FXN: variants seen among roughly 807,000 people sequenced by gnomAD.
FXN encodes frataxin, mitochondrial.
In FXN, 14 loss-of-function variants were observed where a neutral mutation model predicts 22.4. The ratio of observed to expected loss-of-function variants is 0.62; its 90% CI spans 0.41 to 0.98. The LOEUF (loss-of-function observed/expected upper bound fraction) is 0.98. Among genes scored for constraint, FXN ranks in the 50% least tolerant of loss-of-function variants. The probability of loss-of-function intolerance (pLI) is 0.00; values close to 1 mark genes in which losing one functional copy is unlikely to be tolerated. For synonymous variants in FXN, 120 were observed against 114.1 expected (o/e 1.05, Z -0.33); for missense variants, 267 against 268.4 (o/e 0.99, Z 0.04).
At chr9:69,071,154 C>A (rs1587831419) in intron 4 of FXN, 67 of 518,102 alleles carry the variant, frequency 1.3e-4, no homozygotes, top group Middle Eastern at 3.2e-4. Context: ...CTAGAGGTTA[C>A]TCAGGCTCTG....
chr9:69,058,567 C>T (rs1832005752), intron 3 of FXN, among the ~76,000 whole-genome samples: 1 of 151,468 alleles, frequency 6.6e-6, no homozygotes, highest in Non-Finnish European at 1.5e-5. Flanking sequence ...TGCTCTGGTC[C>T]CTCTCCCAAT....
rs57561255 is a variant in FXN at position 69,078,693 on chromosome 9, G to A, written c.*5931G>A. On this transcript the variant is annotated 3_prime_UTR_variant, in exon 5 of 5. Transcript: ENST00000484259. ...CCTAAGTGTGCTGTGCTATTTTCAC[G>A]TGGCTCTCAGACTTGGCCAGTGCTG... 467,587 of 984,812 alleles carry A rather than the reference G, an allele frequency of 0.47. 112,173 individuals carry two copies. Among genetic ancestry groups the A allele is most frequent in the East Asian group, 0.65 (5,675 of 8,776 alleles). The allele number at this position is 984,812 out of a possible 1,614,324, so 61.0% of individuals were successfully genotyped here.
Position 69,065,023 on chromosome 9 carries a change from C to G in FXN, c.470C>G (p.Ser157Cys). 6.2e-7 allele frequency: 1 copy of G among 1,612,768 alleles called. No individual in the cohort carries two copies. Among genetic ancestry groups the G allele is most frequent in the Non-Finnish European group, 8.5e-7 (1 of 1,178,770 alleles). Reference protein sequence around the residue: ...KQTPNKQIWLSSPSSGPKRYD... With the variant: ...KQTPNKQIWLCSPSSGPKRYD... ...ACGCCAAACAAGCAAATCTGGCTAT[C>G]TTCTCCATCCAGGTATGTAGGTATG... Residue 157 changes from serine (S) to cysteine (C), a missense_variant, in exon 4 of 5, where the codon TCT (serine) becomes TGT (cysteine). By Grantham distance (112) the Ser-to-Cys change is moderately radical. Coordinates refer to ENST00000484259, the MANE Select transcript of FXN (RefSeq NM_000144.5).
At chr9:69,052,794 G>A (rs1476887458) in intron 2 of FXN, among the ~76,000 whole-genome samples, 3 of 151,302 alleles carry the variant, frequency 2.0e-5, no homozygotes, top group Non-Finnish European at 2.9e-5. Flanking sequence ...TGCCTGCCTC[G>A]GCCTCCCAGA....
chr9:69,049,603 C>T (rs1312053889), intron 2 of FXN, among the ~76,000 whole-genome samples: 19 of 152,098 alleles, frequency 1.2e-4, no homozygotes, highest in Admixed American at 1.0e-3. Context: ...CACAGGGGCA[C>T]AAAAGCTCTT....
At chr9:69,048,435 C>G (rs887792454) in intron 2 of FXN, among the ~76,000 whole-genome samples, 11 of 152,168 alleles carry the variant, frequency 7.2e-5, no homozygotes, top group African/African-American at 2.2e-4. Flanking sequence ...GAAACCCTGT[C>G]TCTACTAAAA....
At position 69,078,332 on chromosome 9, in the gene FXN, T is replaced by G. The variant is rs1832408234; in HGVS notation, c.*5570T>G. The G allele has an allele frequency of 2.0e-6, 2 of 985,358 alleles. No individual in the cohort carries two copies. Among genetic ancestry groups the G allele is most frequent in the South Asian group, 9.4e-5 (2 of 21,290 alleles). The allele number at this position is 985,358 out of a possible 1,614,324, so 61.0% of individuals were successfully genotyped here. ...TTGCCAGTCCATCAGCAGTTCCCCT[T>G]GAAAGTTTCACCAAACATCCCTTAA... is the stretch of plus-strand genomic sequence containing the variant. On this transcript the variant is annotated 3_prime_UTR_variant, in exon 5 of 5. Transcript: ENST00000484259.
chr9:69,072,758 C>T lies in FXN; in HGVS notation c.629C>T (p.Ala210Val). The change falls in exon 5 of 5, where the codon GCT (alanine) becomes GTT (valine). Residue 210 changes from alanine (A) to valine (V), a missense_variant. Coordinates refer to ENST00000484259, the MANE Select transcript of FXN (RefSeq NM_000144.5). Reference sequence around the variant, plus strand: ...TCCTTGGCCTATTCCGGAAAAGATGCTTGATGCCCAGCCCCGTTTTAAGGA... The same window carrying T: ...TCCTTGGCCTATTCCGGAAAAGATGTTTGATGCCCAGCCCCGTTTTAAGGA... The part of the protein sequence containing the change: ...LSSLAYSGKD[A>V] 5 of 1,614,200 alleles carry T rather than the reference C, an allele frequency of 3.1e-6. No homozygotes were observed. Among genetic ancestry groups the T allele is most frequent in the Non-Finnish European group, 4.2e-6 (5 of 1,180,034 alleles).
chr9:69,065,581 G>T (rs1171526798), intron 4 of FXN, among the ~76,000 whole-genome samples: 1 of 149,692 alleles, frequency 6.7e-6, no homozygotes, highest in African/African-American at 2.5e-5. Flanking sequence ...TAGCATCCTT[G>T]TAAGTGAGCC....
At chr9:69,056,077 C>G (rs1280157304) in intron 3 of FXN, among the ~76,000 whole-genome samples, 3 of 152,016 alleles carry the variant, frequency 2.0e-5, no homozygotes, top group Non-Finnish European at 4.4e-5. Flanking sequence ...ATGGGTCTCG[C>G]TATGTTTCCC....
chr9:69,052,980 G>T (rs1165629611), intron 2 of FXN, among the ~76,000 whole-genome samples, 160 bp from the exon 3 acceptor site: 1 of 139,724 alleles, frequency 7.2e-6, no homozygotes, highest in African/African-American at 2.7e-5. Flanking sequence ...GACAGAGTGA[G>T]ACTCTGTCTC....
At chr9:69,047,350 G>GACACACACACAC (rs148756619) in intron 2 of FXN, among the ~76,000 whole-genome samples, 20 of 144,174 alleles carry the variant, frequency 1.4e-4, no homozygotes, top group African/African-American at 4.8e-4. Context: ...CACACACACA[G>GACACACACACAC]ACACACACAC....
At chr9:69,044,068 T>G (rs1179026515) in intron 1 of FXN, among the ~76,000 whole-genome samples, 1 of 152,182 alleles carries the variant, frequency 6.6e-6, no homozygotes, top group East Asian at 1.9e-4. Context: ...ATAAGGTGTC[T>G]TTAAACAGAA....
intron 1 of FXN, among the ~76,000 whole-genome samples, chr9:69,039,130 G>T (rs979401839): frequency 9.2e-5 from 14 of 151,990 alleles, no homozygotes; most frequent in African/African-American, 2.9e-4. Context: ...GCACTCACCT[G>T]TAATCCCAGC....
chr9:69,057,129 T>C (rs1291388648), intron 3 of FXN, among the ~76,000 whole-genome samples: 3 of 152,170 alleles, frequency 2.0e-5, no homozygotes, highest in African/African-American at 7.2e-5. Context: ...AAAAAACTAA[T>C]GGCAGTTAGG....
chr9:69,071,816 G>A (rs1231849909), intron 4 of FXN, among the ~76,000 whole-genome samples: 1 of 152,036 alleles, frequency 6.6e-6, no homozygotes, highest in African/African-American at 2.4e-5. Flanking sequence ...TGTATCTGTG[G>A]GTTCCACATC....
chr9:69,057,693 T>C (rs2061193350), intron 3 of FXN, among the ~76,000 whole-genome samples: 1 of 152,156 alleles, frequency 6.6e-6, no homozygotes, highest in Admixed American at 6.6e-5. Context: ...TTTGATAATA[T>C]TATTACTTGA....
chr9:69,035,813 G>A lies in FXN; in HGVS notation c.31G>A (p.Gly11Ser), dbSNP rs1639970994. 1 of 1,511,910 alleles carries A rather than the reference G, an allele frequency of 6.6e-7. No homozygotes were observed. The highest frequency in any genetic ancestry group is 8.8e-7 in the Non-Finnish European group (1 of 1,136,954). 93.7% of individuals were successfully genotyped at this position (1,511,910 alleles called of 1,614,324 possible). The change falls in exon 1 of 5, where the codon GGC becomes AGC. Residue 11 changes from glycine to serine, a missense_variant. By Grantham distance (56) the Gly-to-Ser change is moderately conservative. Transcript: ENST00000484259. Reference sequence around the variant, plus strand: ...GACTCTCGGGCGCCGCGCAGTAGCCGGCCTCCTGGCGTCACCCAGCCCAGC... The same window carrying A: ...GACTCTCGGGCGCCGCGCAGTAGCCAGCCTCCTGGCGTCACCCAGCCCAGC... The part of the protein sequence containing the change: MWTLGRRAVA[G>S]LLASPSPAQA...
Position 69,076,908 on chromosome 9 carries a change from G to A in FXN, c.*4146G>A. ...CGACGAGTTCATGACTTTGTGTATAGAGTAAGAAATGCCTTTTCTTTTTTG... is the reference window on the plus strand; with the variant it reads ...CGACGAGTTCATGACTTTGTGTATAAAGTAAGAAATGCCTTTTCTTTTTTG... On this transcript the variant is annotated 3_prime_UTR_variant, in exon 5 of 5. Coordinates refer to ENST00000484259, the MANE Select transcript of FXN (RefSeq NM_000144.5). 1 of 985,374 alleles carries A rather than the reference G, an allele frequency of 1.0e-6. No homozygotes were observed. Among genetic ancestry groups the A allele is most frequent in the Non-Finnish European group, 1.2e-6 (1 of 829,916 alleles). 61.0% of individuals were successfully genotyped at this position (985,374 alleles called of 1,614,324 possible).
Sources: allele counts gnomAD v4.1 joint callset (sites outside exome capture counted in the v4.1 genomes callset), GRCh38; gene constraint gnomAD v4.1.1; transcripts MANE v1.5; gene names NCBI Gene and HGNC (gene_info 2026-07-23, HGNC 2026-07-21).